CYS1: variants seen among roughly 807,000 people sequenced by gnomAD.
CYS1 encodes cystin 1.
A neutral mutation model predicts 9.6 loss-of-function variants in CYS1; 5 were observed. That is an observed-to-expected ratio of 0.52 (90% CI 0.27 to 1.10). The LOEUF (loss-of-function observed/expected upper bound fraction) is 1.10. CYS1 is among the 50% of genes least tolerant of loss of function. The probability of loss-of-function intolerance (pLI) is 0.11; values close to 1 mark genes in which losing one functional copy is unlikely to be tolerated. For synonymous variants in CYS1, 88 were observed against 95.7 expected (o/e 0.92, Z 0.47); for missense variants, 221 against 207.9 (o/e 1.06, Z -0.39).
rs747987769 is a variant in CYS1 at position 10,062,013 on chromosome 2, C to CT, written c.372-3056dup. Among the ~76,000 whole-genome samples the CT allele has an allele frequency of 3.8e-3, 548 of 143,372 alleles. 1 individual carries two copies. The highest frequency in any genetic ancestry group is 0.011 in the Middle Eastern group (3 of 280). 94.1% of individuals were successfully genotyped at this position (143,372 alleles called of 152,430 possible). ...ATCAGCAGGGACTCCTAAAGTCATG[C>CT]TTTTTTTTTTTTTAGACAGGATCTT... On this transcript the variant is annotated intron_variant, in intron 2 of 2. Coordinates refer to ENST00000381813, the MANE Select transcript of CYS1 (RefSeq NM_001037160.3).
chr2:10,077,828 G>A (rs1309813823), intron 1 of CYS1, among the ~76,000 whole-genome samples: 1 of 151,928 alleles, frequency 6.6e-6, no homozygotes, highest in Non-Finnish European at 1.5e-5. Context: ...ACATACAGTC[G>A]GCTGGGTGAG....
chr2:10,058,857 C>A lies in CYS1; in HGVS notation c.473G>T (p.Arg158Leu). Residue 158 changes from arginine (R) to leucine (L), a missense_variant, in exon 3 of 3, where the codon CGC becomes CTC. Transcript: ENST00000381813. ...CGGGGGTGGAGCATGCTGTCCTCAG[C>A]GGCAGTACTCCCGCTCGATGCTCGC... Reference protein sequence around the residue: ...LMASIEREYCR With the variant: ...LMASIEREYCL The A allele has an allele frequency of 6.4e-6, 10 of 1,573,748 alleles. No individual in the cohort carries two copies. Among genetic ancestry groups the A allele is most frequent in the Non-Finnish European group, 8.6e-6 (10 of 1,159,972 alleles).
Position 10,068,177 on chromosome 2 carries a change from A to G in CYS1, c.319-2221T>C, listed in dbSNP as rs145968666. Among the ~76,000 whole-genome samples, 14 of 152,074 alleles carry G rather than the reference A, an allele frequency of 9.2e-5. No individual in the cohort carries two copies. The East Asian group carries it at 2.5e-3, about 27-fold the overall frequency. Reference sequence around the variant, plus strand: ...TATATTTTCCATTTCCAGATGTCCTATTTGGTTCTTTTTCACATCTTCTAG... The same window carrying G: ...TATATTTTCCATTTCCAGATGTCCTGTTTGGTTCTTTTTCACATCTTCTAG... On this transcript the variant is annotated intron_variant, in intron 1 of 2. Coordinates refer to ENST00000381813, the MANE Select transcript of CYS1 (RefSeq NM_001037160.3).
chr2:10,065,333 T>G (rs1392698623), intron 2 of CYS1, among the ~76,000 whole-genome samples: 1 of 152,232 alleles, frequency 6.6e-6, no homozygotes, highest in Non-Finnish European at 1.5e-5. Flanking sequence ...CCTTGCCACA[T>G]TAGCTGGAGG....
rs1052675409 is a variant in CYS1, at chr2:10,080,009, C to A, written c.215G>T (p.Arg72Leu). 36 of 1,083,126 alleles carry A rather than the reference C, an allele frequency of 3.3e-5. No individual in the cohort carries two copies. In the Admixed American group the frequency reaches 4.2e-4, roughly 13 times the overall value. 67.1% of individuals were successfully genotyped at this position (1,083,126 alleles called of 1,614,324 possible). A position where few individuals can be genotyped will look rare whatever the true frequency, so the allele number is the denominator to read the frequency against. ...APPDGRDETL[R>L]LLDELLAESA... ...CTCGGCCAGCAGCTCGTCCAGCAGG[C>A]GCAGCGTCTCGTCCCTGCCGTCGGG... is the stretch of plus-strand genomic sequence containing the variant. Residue 72 changes from arginine (R) to leucine (L), a missense_variant, in exon 1 of 3, where the codon CGC becomes CTC. Transcript: ENST00000381813. The surrounding 1 kb of genome is among the most constrained non-coding windows in gnomAD (Gnocchi z 6.4).
rs1274295159 is a variant in CYS1 at position 10,063,072 on chromosome 2, GA to G, written c.371+2831del. Among the ~76,000 whole-genome samples, 1 of 152,238 alleles carries G rather than the reference GA, an allele frequency of 6.6e-6. No homozygotes were observed. Among genetic ancestry groups the G allele is most frequent in the Non-Finnish European group, 1.5e-5 (1 of 68,046 alleles). On this transcript the variant is annotated intron_variant, in intron 2 of 2. Coordinates refer to ENST00000381813, the MANE Select transcript of CYS1 (RefSeq NM_001037160.3). This position sits in a 1 kb window ranked among gnomAD's most constrained non-coding sequence, Gnocchi z 4.2. ...CTGCTTCCGCAGGGCCCTCCCGGGG[GA>G]AGGACCTGGCGTTGTCAGGATGGTC...
At chr2:10,059,013 T>G in intron 2 of CYS1, 55 bp from the exon 3 acceptor site, 1 of 1,480,638 alleles carries the variant, frequency 6.8e-7, no homozygotes, top group Non-Finnish European at 9.1e-7. Context: ...GCGTTCACAC[T>G]CATTTCCCCT....
chr2:10,076,381 C>T lies in CYS1; in HGVS notation c.318+3525G>A, dbSNP rs1661843311. Among the ~76,000 whole-genome samples the T allele has an allele frequency of 6.6e-6, 1 of 152,058 alleles. No individual in the cohort carries two copies. The highest frequency in any genetic ancestry group is 6.6e-5 in the Admixed American group (1 of 15,260). ...TCCCTACCGCCATCCACTACTGCTG[C>T]GCTGTAAAAAGAGCCTTCCTACAAG... On this transcript the variant is annotated intron_variant, in intron 1 of 2. Transcript: ENST00000381813. The surrounding 1 kb of genome is among the most constrained non-coding windows in gnomAD (Gnocchi z 4.3).
chr2:10,060,775 G>C (rs1661616400), intron 2 of CYS1, among the ~76,000 whole-genome samples: 1 of 152,268 alleles, frequency 6.6e-6, no homozygotes, highest in Non-Finnish European at 1.5e-5. Context: ...CTGTGGGCAA[G>C]GCATGTACCA....
chr2:10,080,190 G>A lies in CYS1; in HGVS notation c.34C>T (p.Leu12=). Residue 12 remains leucine (L), a synonymous_variant, in exon 1 of 3, where the codon CTG becomes TTG. Transcript: ENST00000381813. The surrounding 1 kb of genome is among the most constrained non-coding windows in gnomAD (Gnocchi z 6.4). ...CTCTCGGGGCTGCGCCGCCGCCTCA[G>A]AGTCCGGCTGCTCCGGCTGCTGCCG... is the stretch of plus-strand genomic sequence containing the variant. ...GSGSSRSSRT[L]RRRRSPESLP... is the part of the protein sequence containing the mutation. 1 of 1,069,304 alleles carries A rather than the reference G, an allele frequency of 9.4e-7. No individual in the cohort carries two copies. Among genetic ancestry groups the A allele is most frequent in the Non-Finnish European group, 1.1e-6 (1 of 886,278 alleles). The allele number at this position is 1,069,304 out of a possible 1,614,324, so 66.2% of individuals were successfully genotyped here. A position where few individuals can be genotyped will look rare whatever the true frequency, so the allele number is the denominator to read the frequency against.
At chr2:10,074,287 T>G (rs1661814128) in intron 1 of CYS1, among the ~76,000 whole-genome samples, 1 of 152,224 alleles carries the variant, frequency 6.6e-6, no homozygotes, top group South Asian at 2.1e-4. Context: ...GCCCATCCTG[T>G]TAATAGCATT....
At chr2:10,073,220 C>CCA (rs1553316579) in intron 1 of CYS1, among the ~76,000 whole-genome samples, 62 of 143,314 alleles carry the variant, frequency 4.3e-4, no homozygotes, top group African/African-American at 1.6e-3. Flanking sequence ...CCCCCCCCCC[C>CCA]CCCCCGGCTG....
Position 10,058,638 on chromosome 2 carries a change from G to A in CYS1, c.*215C>T, listed in dbSNP as rs1027931638. The A allele has an allele frequency of 1.2e-5, 6 of 501,202 alleles. No individual in the cohort carries two copies. Among genetic ancestry groups the A allele is most frequent in the Non-Finnish European group, 2.2e-5 (6 of 277,558 alleles). The allele number at this position is 501,202 out of a possible 1,614,324, so 31.0% of individuals were successfully genotyped here. On this transcript the variant is annotated 3_prime_UTR_variant, in exon 3 of 3. Transcript: ENST00000381813. ...GCGGCCCAGGCCCACGCACCTGTGG[G>A]TCTACACAGCTAATCGCCCCCACCA...
rs1661923177 is a variant in CYS1, at chr2:10,080,107, C to T, written c.117G>A (p.Pro39=). The change falls in exon 1 of 3, where the codon CCG becomes CCA. Residue 39 remains proline (P), a synonymous_variant. Transcript: ENST00000381813. The surrounding 1 kb of genome is among the most constrained non-coding windows in gnomAD (Gnocchi z 6.4). ...CCCCCGGGACCTCGGCCGCCGCCAC[C>T]GGCACCCGCCGGCGGGTCCCGCCCT... ...ALEGGTRRRV[P]VAAAEVPGAA... is the part of the protein sequence containing the mutation. 1.9e-6 allele frequency: 2 copies of T among 1,026,740 alleles called. No individual in the cohort carries two copies. Among genetic ancestry groups the T allele is most frequent in the South Asian group, 4.3e-5 (1 of 23,434 alleles). 63.6% of individuals were successfully genotyped at this position (1,026,740 alleles called of 1,614,324 possible). A position where few individuals can be genotyped will look rare whatever the true frequency, so the allele number is the denominator to read the frequency against.
In CYS1 at chr2:10,063,767, GCA is replaced by G. The variant is rs2125288046; in HGVS notation, c.371+2135_371+2136del. Reference sequence around the variant, plus strand: ...AGGTGTGTGCCGTGGGCAGCGAGAAGCACAGTGGGTACAGGGCAGATGCTGCC... The same window carrying G: ...AGGTGTGTGCCGTGGGCAGCGAGAAGCAGTGGGTACAGGGCAGATGCTGCC... On this transcript the variant is annotated intron_variant, in intron 2 of 2. Transcript: ENST00000381813. This position sits in a 1 kb window ranked among gnomAD's most constrained non-coding sequence, Gnocchi z 4.2. Among the ~76,000 whole-genome samples, 1 of 152,306 alleles carries G rather than the reference GCA, an allele frequency of 6.6e-6. No homozygotes were observed. The highest frequency in any genetic ancestry group is 6.5e-5 in the Admixed American group (1 of 15,308).
Position 10,057,798 on chromosome 2 carries a change from C to G in CYS1, c.*1055G>C, listed in dbSNP as rs1003078994. ...CCACACCTGGGCCCAGGCTCCAGAC[C>G]TGCCCGCCCACACAGGAGTCCCCTC... On this transcript the variant is annotated 3_prime_UTR_variant, in exon 3 of 3. Coordinates refer to ENST00000381813, the MANE Select transcript of CYS1 (RefSeq NM_001037160.3). 1 of 152,496 alleles carries G rather than the reference C, an allele frequency of 6.6e-6. No homozygotes were observed. Among genetic ancestry groups the G allele is most frequent in the Non-Finnish European group, 1.5e-5 (1 of 68,312 alleles). 9.4% of individuals were successfully genotyped at this position (152,496 alleles called of 1,614,324 possible).
intron 1 of CYS1, among the ~76,000 whole-genome samples, chr2:10,071,662 A>G (rs946310744): frequency 2.6e-5 from 4 of 152,202 alleles, no homozygotes; most frequent in East Asian, 3.9e-4. Context: ...AAAGCATGAG[A>G]CTCCCAGAAC....
chr2:10,071,498 C>T (rs145949568), intron 1 of CYS1, among the ~76,000 whole-genome samples: 1 of 152,240 alleles, frequency 6.6e-6, no homozygotes, highest in Non-Finnish European at 1.5e-5. Context: ...AACGGCCCCC[C>T]AGAGCGGACG....
intron 1 of CYS1, among the ~76,000 whole-genome samples, chr2:10,077,827 C>A (rs1291096711): frequency 1.3e-5 from 2 of 151,502 alleles, no homozygotes; most frequent in African/African-American, 4.9e-5. Flanking sequence ...TACATACAGT[C>A]GGCTGGGTGA....
Sources: allele counts gnomAD v4.1 joint callset (sites outside exome capture counted in the v4.1 genomes callset), GRCh38; gene constraint gnomAD v4.1.1; non-coding constraint Gnocchi (gnomAD v3.1); transcripts MANE v1.5; gene names NCBI Gene and HGNC (gene_info 2026-07-23, HGNC 2026-07-21).